CCDC12: variants seen among roughly 807,000 people sequenced by gnomAD.
CCDC12 encodes coiled-coil domain-containing protein 12.
CCDC12 carries 28 observed loss-of-function variants against 25.7 expected under a neutral mutation model. The ratio of observed to expected loss-of-function variants is 1.09; its 90% CI spans 0.81 to 1.50. The LOEUF is 1.50. Among genes scored for constraint, CCDC12 ranks in the 40% most tolerant of loss-of-function variants. The pLI is 0.00. For synonymous variants in CCDC12, 75 were observed against 87.7 expected, an observed-to-expected ratio of 0.86 and a Z score of 0.81; for missense variants, 198 against 210.0, an observed-to-expected ratio of 0.94 and a Z score of 0.35.
chr3:46,922,973 GGTA>G (rs2032752029), intron 5 of CCDC12: 1 of 214,548 alleles, frequency 4.7e-6, no homozygotes, highest in East Asian at 1.0e-4. Flanking sequence ...AAGCTATGGT[GGTA>G]GAACAGGAAC....
intron 2 of CCDC12, among the ~76,000 whole-genome samples, chr3:46,932,107 C>A (rs1000320741): frequency 2.6e-5 from 4 of 152,166 alleles, no homozygotes; most frequent in Non-Finnish European, 4.4e-5. Flanking sequence ...AGAGGCTGAT[C>A]TGGTCTTTCT....
chr3:46,923,577 C>G, intron 4 of CCDC12, 30 bp downstream of exon 4: 1 of 1,598,930 alleles, frequency 6.3e-7, no homozygotes, highest in Non-Finnish European at 8.5e-7. Flanking sequence ...ACAGAAGCAG[C>G]GAGGATGCCA....
chr3:46,960,090 C>A (rs2034417825), intron 1 of CCDC12, among the ~76,000 whole-genome samples: 1 of 152,208 alleles, frequency 6.6e-6, no homozygotes, highest in Non-Finnish European at 1.5e-5. Flanking sequence ...TGACAGCTCT[C>A]CTCTGCCCCT....
rs557767468 is a variant in CCDC12, at chr3:46,939,371, G to A, written c.164+1627C>T. Among the ~76,000 whole-genome samples, 52 of 152,028 alleles carry A rather than the reference G, an allele frequency of 3.4e-4. No individual in the cohort carries two copies. The South Asian group carries it at 0.01, about 30-fold the overall frequency. On this transcript the variant is annotated intron_variant, in intron 2 of 6. Transcript: ENST00000683445. ...TCTCATCGAGGAGGGGGAGGGGTGG[G>A]GATCAGAGAAAACACCACCAGCAAA...
At chr3:46,980,045 G>C (rs1477320907), upstream of CCDC12, 1 of 158,178 alleles carries the variant, frequency 6.3e-6, no homozygotes, top group African/African-American at 2.4e-5. Flanking sequence ...CGCGCGCAGG[G>C]CATGCTCCGG....
intron 1 of CCDC12, among the ~76,000 whole-genome samples, chr3:46,965,558 T>C (rs2034613553): frequency 6.6e-6 from 1 of 152,206 alleles, no homozygotes; most frequent in Non-Finnish European, 1.5e-5. Context: ...CTCCCCAGCA[T>C]ATCAGACCAA....
intron 1 of CCDC12, among the ~76,000 whole-genome samples, chr3:46,972,426 A>G (rs7634189): frequency 0.027 from 4,147 of 152,344 alleles, 194 homozygotes; most frequent in African/African-American, 0.094. Flanking sequence ...ATATATGAAC[A>G]ATTCAATGAC....
chr3:46,951,547 G>A (rs926543118), intron 1 of CCDC12, among the ~76,000 whole-genome samples: 10 of 150,816 alleles, frequency 6.6e-5, no homozygotes, highest in South Asian at 2.1e-4. Context: ...TTGGGAAGCC[G>A]AGGCGGGTGG....
upstream of CCDC12, among the ~76,000 whole-genome samples, chr3:46,979,011 G>A (rs1344407072): frequency 6.6e-6 from 1 of 152,102 alleles, no homozygotes; most frequent in Non-Finnish European, 1.5e-5. Flanking sequence ...GAGCCATGAG[G>A]CACCCACCTG....
At chr3:46,951,792 A>ATATAT (rs1439046255) in intron 1 of CCDC12, among the ~76,000 whole-genome samples, 583 of 24,832 alleles carry the variant, frequency 0.023, 12 homozygotes, top group Non-Finnish European at 0.04. Context: ...AAAAAAAAAA[A>ATATAT]AAAAAAATAT....
chr3:46,942,047 A>G (rs2033730470), intron 1 of CCDC12, among the ~76,000 whole-genome samples: 1 of 152,224 alleles, frequency 6.6e-6, no homozygotes, highest in African/African-American at 2.4e-5. Context: ...CTACAGAGTC[A>G]TGTTCATCTC....
At chr3:46,953,960 C>T (rs1386175191) in intron 1 of CCDC12, among the ~76,000 whole-genome samples, 2 of 152,216 alleles carry the variant, frequency 1.3e-5, no homozygotes, top group East Asian at 3.9e-4. Flanking sequence ...ACCACTAGGA[C>T]TTCCTCACCA....
intron 1 of CCDC12, among the ~76,000 whole-genome samples, chr3:46,961,414 T>C (rs2034461212): frequency 1.3e-5 from 2 of 152,166 alleles, no homozygotes; most frequent in African/African-American, 4.8e-5. Flanking sequence ...AGGTAACACA[T>C]ATTTCTAGTC....
intron 5 of CCDC12, 129 bp downstream of exon 5, chr3:46,923,200 C>G (rs971445206): frequency 7.7e-5 from 74 of 959,450 alleles, no homozygotes; most frequent in Non-Finnish European, 6.9e-5. Flanking sequence ...CAGTAGCTAT[C>G]TCGTGTAACT....
At chr3:46,932,304 T>A (rs1260642661) in intron 2 of CCDC12, among the ~76,000 whole-genome samples, 2 of 152,108 alleles carry the variant, frequency 1.3e-5, no homozygotes, top group Non-Finnish European at 2.9e-5. Context: ...TGCCCTAGAG[T>A]GGCCTAAAGT....
Position 46,941,069 on chromosome 3 carries a change from CAAAG to C in CCDC12, c.97-8_97-5del. 1.2e-6 allele frequency: 2 copies of C among 1,614,114 alleles called. No homozygotes were observed. The highest frequency in any genetic ancestry group is 1.7e-6 in the Non-Finnish European group (2 of 1,179,978). The stretch of plus-strand genomic sequence containing the variant: ...TTGGCTCCCCATCTTCCTTGTCCTG[CAAAG>C]AAAGGGAGAAAACCACCAGCTCAGT... On this transcript the variant is annotated splice_polypyrimidine_tract_variant and splice_region_variant and intron_variant, in intron 1 of 6. Coordinates refer to ENST00000683445, the MANE Select transcript of CCDC12 (RefSeq NM_001277074.2).
chr3:46,970,890 G>T (rs2034784370), intron 1 of CCDC12, among the ~76,000 whole-genome samples: 1 of 152,262 alleles, frequency 6.6e-6, no homozygotes, highest in East Asian at 1.9e-4. Context: ...GGAACTTCTG[G>T]ATGAGCATCA....
At chr3:46,960,534 A>G (rs1254039559) in intron 1 of CCDC12, among the ~76,000 whole-genome samples, 1 of 152,206 alleles carries the variant, frequency 6.6e-6, no homozygotes, top group Non-Finnish European at 1.5e-5. Context: ...CATTTTCTCT[A>G]GACAGAGCAG....
rs2033294718 is a variant in CCDC12, at chr3:46,933,048, CT to C, written c.165-7514del. Among the ~76,000 whole-genome samples, 3 of 152,372 alleles carry C rather than the reference CT, an allele frequency of 2.0e-5. 1 individual carries two copies. In the South Asian group the frequency reaches 6.2e-4, roughly 32 times the overall value. On this transcript the variant is annotated intron_variant, in intron 2 of 6. Transcript: ENST00000683445. ...GGGACCAGCAACTGCAGTAGAGAAGCTACCTGACACAGTGACTGGGGCCTGG... is the reference window on the plus strand; with the variant it reads ...GGGACCAGCAACTGCAGTAGAGAAGCACCTGACACAGTGACTGGGGCCTGG...
Sources: gnomAD v4.1 joint callset for allele counts (sites outside exome capture counted in the v4.1 genomes callset) on GRCh38, gnomAD v4.1.1 for gene constraint, MANE v1.5 for transcripts, NCBI Gene and HGNC (gene_info 2026-07-23, HGNC 2026-07-21) for gene names.